EAF1: variants seen among roughly 807,000 people sequenced by gnomAD.
EAF1 encodes the protein ELL-associated factor 1.
In EAF1, 19 loss-of-function variants were observed where a neutral mutation model predicts 26.6. That is an observed-to-expected ratio of 0.71 (90% CI 0.50 to 1.05). EAF1 has a LOEUF of 1.05. EAF1 is among the 50% of genes least tolerant of loss of function. The pLI, the probability that EAF1 is intolerant of heterozygous loss-of-function variation, is 0.00. For synonymous variants in EAF1, 102 were observed against 120.6 expected (o/e 0.85, Z 1.01); for missense variants, 260 against 335.5 (o/e 0.78, Z 1.76).
intron 1 of EAF1, among the ~76,000 whole-genome samples, chr3:15,429,651 A>G (rs572059438): frequency 6.6e-6 from 1 of 152,360 alleles, no homozygotes; most frequent in Non-Finnish European, 1.5e-5. Context: ...GAGGAAAAGT[A>G]TGTGGAGGTG....
chr3:15,437,262 T>C (rs1264871352), intron 5 of EAF1, among the ~76,000 whole-genome samples: 1 of 150,764 alleles, frequency 6.6e-6, no homozygotes, highest in African/African-American at 2.4e-5. Flanking sequence ...TTTTTTTTTT[T>C]TTCCTTCAGA....
In EAF1 at chr3:15,436,431, G is replaced by C; in HGVS notation, c.616G>C (p.Asp206His). 6.2e-7 allele frequency: 1 copy of C among 1,614,024 alleles called. No individual in the cohort carries two copies. Among genetic ancestry groups the C allele is most frequent in the Non-Finnish European group, 8.5e-7 (1 of 1,179,894 alleles). The change falls in exon 5 of 6, where the codon GAC becomes CAC. Residue 206 changes from aspartate (D) to histidine (H), a missense_variant. Coordinates refer to ENST00000396842, the MANE Select transcript of EAF1 (RefSeq NM_033083.7). The part of the protein sequence containing the change: ...SDSESSSGSD[D>H]DSSSSGGEDN... ...CTCTGAGAGCTCTTCGGGAAGTGAT[G>C]ACGATAGCTCCAGCAGTGGAGGCGA... is the stretch of plus-strand genomic sequence containing the variant.
In EAF1 at chr3:15,427,646, G is replaced by T. The variant is rs1269999775; in HGVS notation, c.-134G>T. 5 of 886,640 alleles carry T rather than the reference G, an allele frequency of 5.6e-6. No homozygotes were observed. The highest frequency in any genetic ancestry group is 8.8e-6 in the Non-Finnish European group (5 of 566,124). 54.9% of individuals were successfully genotyped at this position (886,640 alleles called of 1,614,324 possible). The stretch of plus-strand genomic sequence containing the variant: ...GAGAACTTGCTTCTGGACCCGGGTG[G>T]GTGCCGGCTCGGCTCTCCTTGTCTT... On this transcript the variant is annotated 5_prime_UTR_variant, in exon 1 of 6. Coordinates refer to ENST00000396842, the MANE Select transcript of EAF1 (RefSeq NM_033083.7).
Position 15,441,264 on chromosome 3 carries a change from T to TA in EAF1, c.*2111dup, listed in dbSNP as rs1450966800. On this transcript the variant is annotated 3_prime_UTR_variant, in exon 6 of 6. Transcript: ENST00000396842. ...TGCCCTCCAGCTTTACCCACCAGAG[T>TA]AAGCAATCTTTTCTTTTTAGAAATC... 2.0e-5 allele frequency: 3 copies of TA among 153,698 alleles called. No individual in the cohort carries two copies. Among genetic ancestry groups the TA allele is most frequent in the Non-Finnish European group, 4.4e-5 (3 of 68,068 alleles). 9.5% of individuals were successfully genotyped at this position (153,698 alleles called of 1,614,324 possible).
chr3:15,431,440 G>A (rs2061801229), intron 2 of EAF1, among the ~76,000 whole-genome samples: 2 of 152,226 alleles, frequency 1.3e-5, no homozygotes, highest in Admixed American at 1.3e-4. Flanking sequence ...CCCAGAGGCA[G>A]GAGAGAGCTT....
At position 15,442,119 on chromosome 3, in the gene EAF1, G is replaced by A. The variant is rs540170427; in HGVS notation, c.*2964G>A. 1 of 152,456 alleles carries A rather than the reference G, an allele frequency of 6.6e-6. No individual in the cohort carries two copies. Among genetic ancestry groups the A allele is most frequent in the African/African-American group, 2.4e-5 (1 of 41,378 alleles). The allele number at this position is 152,456 out of a possible 1,614,324, so 9.4% of individuals were successfully genotyped here. On this transcript the variant is annotated 3_prime_UTR_variant, in exon 6 of 6. Transcript: ENST00000396842. ...AGCAGAATCATTTTTTCTATGTAAG[G>A]TGTTAATGTGTGTGTATGTGCTTTG...
intron 5 of EAF1, 37 bp downstream of exon 5, chr3:15,436,612 C>T (rs1428403798): frequency 6.7e-7 from 1 of 1,487,164 alleles, no homozygotes. Flanking sequence ...GAGAGAGGGC[C>T]ATAGGTGCAG....
At chr3:15,433,288 C>CT (rs2061813314) in intron 3 of EAF1, 1 of 151,546 alleles carries the variant, frequency 6.6e-6, no homozygotes, top group African/African-American at 2.5e-5. Context: ...AGAGCTTGAC[C>CT]TACCCCGGAG....
At chr3:15,434,113 G>A (rs2061819990) in intron 3 of EAF1, among the ~76,000 whole-genome samples, 1 of 152,114 alleles carries the variant, frequency 6.6e-6, no homozygotes, top group Non-Finnish European at 1.5e-5. Context: ...CTCATCGAGG[G>A]CAGTAAATAT....
intron 5 of EAF1, among the ~76,000 whole-genome samples, chr3:15,437,674 T>G (rs1285629469): frequency 6.6e-6 from 1 of 152,150 alleles, no homozygotes; most frequent in Non-Finnish European, 1.5e-5. Flanking sequence ...GAGGGCTAAT[T>G]TTCTATGCTT....
At position 15,439,352 on chromosome 3, in the gene EAF1, T is replaced by G. The variant is rs1225892891; in HGVS notation, c.*197T>G. On this transcript the variant is annotated 3_prime_UTR_variant, in exon 6 of 6. Coordinates refer to ENST00000396842, the MANE Select transcript of EAF1 (RefSeq NM_033083.7). ...ATTTTCTCGTGTCATTTTTGAACAA[T>G]CTCATCTTTCAAAGTTTAAGTAGAC... The G allele has an allele frequency of 1.7e-5, 8 of 478,440 alleles. No homozygotes were observed. The highest frequency in any genetic ancestry group is 2.6e-5 in the Non-Finnish European group (7 of 270,156). The allele number at this position is 478,440 out of a possible 1,614,324, so 29.6% of individuals were successfully genotyped here.
intron 5 of EAF1, among the ~76,000 whole-genome samples, chr3:15,437,180 AC>A (rs2061840772): frequency 6.6e-6 from 1 of 150,722 alleles, no homozygotes. Flanking sequence ...ATGGGTGTGA[AC>A]CACCATGCCT....
intron 4 of EAF1, 101 bp from the exon 5 acceptor site, chr3:15,436,241 C>T (rs547770251): frequency 3.5e-4 from 291 of 826,996 alleles, no homozygotes; most frequent in Middle Eastern, 1.8e-3. Flanking sequence ...TAAATTATTT[C>T]TTATTGCTGT....
Position 15,427,600 on chromosome 3 carries a change from C to T in EAF1, c.-180C>T, listed in dbSNP as rs550106781. On this transcript the variant is annotated 5_prime_UTR_variant, in exon 1 of 6. Coordinates refer to ENST00000396842, the MANE Select transcript of EAF1 (RefSeq NM_033083.7). ...CACGGCCTTGCCTCCTCAGATTCCTCTCTCACCCCCACGCAGAGGAGAGAA... is the reference window on the plus strand; with the variant it reads ...CACGGCCTTGCCTCCTCAGATTCCTTTCTCACCCCCACGCAGAGGAGAGAA... The T allele has an allele frequency of 6.5e-6, 4 of 611,050 alleles. No individual in the cohort carries two copies. Among genetic ancestry groups the T allele is most frequent in the South Asian group, 5.8e-5 (3 of 51,666 alleles). 37.9% of individuals were successfully genotyped at this position (611,050 alleles called of 1,614,324 possible). A position where few individuals can be genotyped will look rare whatever the true frequency, so the allele number is the denominator to read the frequency against.
At chr3:15,430,996 A>G (rs1178800665) in intron 2 of EAF1, among the ~76,000 whole-genome samples, 3 of 152,364 alleles carry the variant, frequency 2.0e-5, no homozygotes, top group East Asian at 3.9e-4. Context: ...TTGGCAAGTT[A>G]CATCATCTCC....
In EAF1 at chr3:15,429,895, T is replaced by G; in HGVS notation, c.104-18T>G. 6.3e-7 allele frequency: 1 copy of G among 1,589,726 alleles called. No individual in the cohort carries two copies. Among genetic ancestry groups the G allele is most frequent in the Admixed American group, 1.7e-5 (1 of 59,898 alleles). ...TAAGTAACCTGGTGGGTAAGTGCTT[T>G]TTTTCCTTTCCCTTTAGATGATTTT... On this transcript the variant is annotated intron_variant, in intron 1 of 5. Coordinates refer to ENST00000396842, the MANE Select transcript of EAF1 (RefSeq NM_033083.7).
In EAF1 at chr3:15,430,012, G is replaced by A. The variant is rs1465845919; in HGVS notation, c.198+5G>A. ...ATTACACTGCCACATATCCCTGTGA[G>A]TTTATTTCATTTTTTTTTTTAATGT... On this transcript the variant is annotated splice_donor_5th_base_variant and intron_variant, in intron 2 of 5. Transcript: ENST00000396842. 1 of 1,552,178 alleles carries A rather than the reference G, an allele frequency of 6.4e-7. No individual in the cohort carries two copies. The highest frequency in any genetic ancestry group is 8.7e-7 in the Non-Finnish European group (1 of 1,143,418).
intron 4 of EAF1, among the ~76,000 whole-genome samples, chr3:15,435,056 T>C (rs1427401727): frequency 1.3e-5 from 2 of 152,100 alleles, no homozygotes; most frequent in Non-Finnish European, 2.9e-5. Context: ...GCTACTGAAC[T>C]CCAGCCTGGG....
chr3:15,433,266 A>AC (rs2061813217), intron 3 of EAF1: 1 of 149,374 alleles, frequency 6.7e-6, no homozygotes, highest in South Asian at 2.1e-4. Flanking sequence ...AGGTACGGAG[A>AC]CTGAGGGTTA....
Sources: allele counts gnomAD v4.1 joint callset (sites outside exome capture counted in the v4.1 genomes callset), GRCh38; gene constraint gnomAD v4.1.1; transcripts MANE v1.5; gene names NCBI Gene and HGNC (gene_info 2026-07-23, HGNC 2026-07-21).